RBM26: variants seen among roughly 807,000 people sequenced by gnomAD.
RBM26 encodes the protein RNA-binding protein 26.
RBM26 carries 30 observed loss-of-function variants against 123.6 expected under a neutral mutation model. That is an observed-to-expected ratio of 0.24 (90% CI 0.18 to 0.33). RBM26 has a LOEUF of 0.33. Among genes scored for constraint, RBM26 ranks in the 10% least tolerant of loss-of-function variants. The pLI, the probability that RBM26 is intolerant of heterozygous loss-of-function variation, is 1.00. For missense variants in RBM26, 947 were observed against 1,203.6 expected (o/e 0.79, Z 3.15); for synonymous variants, 400 against 404.4 (o/e 0.99, Z 0.13).
chr13:79,393,169 C>T (rs1318057261), intron 1 of RBM26, among the ~76,000 whole-genome samples: 2 of 151,576 alleles, frequency 1.3e-5, no homozygotes, highest in African/African-American at 4.9e-5. Flanking sequence ...TGAGTGAAAC[C>T]CCTCTGAGGC....
Position 79,405,685 on chromosome 13 carries a change from A to C in RBM26, c.71+19T>G. 4 of 1,563,996 alleles carry C rather than the reference A, an allele frequency of 2.6e-6. No individual in the cohort carries two copies. Among genetic ancestry groups the C allele is most frequent in the Non-Finnish European group, 3.5e-6 (4 of 1,145,120 alleles). On this transcript the variant is annotated intron_variant, in intron 1 of 21. Coordinates refer to ENST00000438737, the MANE Select transcript of RBM26 (RefSeq NM_001366735.2). ...CTCCCACTGCCATCCCTGCAAAGAG[A>C]TATCCCCCGGATACTCACATGGGCT...
At chr13:79,323,335 A>T (rs780289595) in intron 20 of RBM26, among the ~76,000 whole-genome samples, 3 of 151,640 alleles carry the variant, frequency 2.0e-5, no homozygotes, top group Non-Finnish European at 4.4e-5. Flanking sequence ...ATGATATTTG[A>T]CATAAGTTGT....
intron 15 of RBM26, 67 bp from the exon 16 acceptor site, chr13:79,344,389 A>C: frequency 8.0e-7 from 1 of 1,255,388 alleles, no homozygotes; most frequent in Admixed American, 1.8e-5. Context: ...TCAAGAGAAG[A>C]GAAATAGTTG....
intron 20 of RBM26, among the ~76,000 whole-genome samples, chr13:79,331,785 A>T (rs770186873): frequency 6.6e-6 from 1 of 152,224 alleles, no homozygotes; most frequent in Non-Finnish European, 1.5e-5. Flanking sequence ...TGCAGAAAAG[A>T]TAATATTCAA....
At position 79,335,632 on chromosome 13, in the gene RBM26, G is replaced by A. The variant is rs78920734; in HGVS notation, c.2734-1202C>T. ...CAACTAAACCTGTGCTCATACTTAA[G>A]ACTAATAATTTAAATGTGAACTTTG... is the stretch of plus-strand genomic sequence containing the variant. On this transcript the variant is annotated intron_variant, in intron 19 of 21. Transcript: ENST00000438737. Among the ~76,000 whole-genome samples, 124 of 152,170 alleles carry A rather than the reference G, an allele frequency of 8.1e-4. 2 individuals are homozygous for A. The East Asian group carries it at 0.016, about 20-fold the overall frequency.
At chr13:79,350,685 C>A (rs1312345321) in intron 14 of RBM26, among the ~76,000 whole-genome samples, 1 of 151,998 alleles carries the variant, frequency 6.6e-6, no homozygotes, top group Non-Finnish European at 1.5e-5. Flanking sequence ...TTAATAATGA[C>A]ATAGGATACT....
At chr13:79,354,381 A>T (rs564178200) in intron 13 of RBM26, 58 bp downstream of exon 13, 2 of 1,341,850 alleles carry the variant, frequency 1.5e-6, no homozygotes, top group East Asian at 5.0e-5. Flanking sequence ...CAAATCACCA[A>T]GGGAAACTAA....
chr13:79,327,577 A>G (rs2068632280), intron 20 of RBM26, among the ~76,000 whole-genome samples: 5 of 152,156 alleles, frequency 3.3e-5, no homozygotes. Flanking sequence ...AACCCAAGAG[A>G]GCAAAATTAA....
chr13:79,332,822 G>A (rs893917121), intron 20 of RBM26, among the ~76,000 whole-genome samples: 1 of 152,098 alleles, frequency 6.6e-6, no homozygotes, highest in Non-Finnish European at 1.5e-5. Context: ...AAGAAGGTAC[G>A]TGTCAAAAGT....
chr13:79,356,523 T>C (rs2139589074), intron 11 of RBM26, among the ~76,000 whole-genome samples: 1 of 152,116 alleles, frequency 6.6e-6, no homozygotes, highest in Non-Finnish European at 1.5e-5. Flanking sequence ...AATAACCATA[T>C]CCACTCTTCA....
chr13:79,320,390 A>G lies in RBM26; in HGVS notation c.*231T>C. 8.7e-7 allele frequency: 1 copy of G among 1,147,306 alleles called. No individual in the cohort carries two copies. Among genetic ancestry groups the G allele is most frequent in the South Asian group, 3.8e-5 (1 of 26,052 alleles). 71.1% of individuals were successfully genotyped at this position (1,147,306 alleles called of 1,614,324 possible). ...TAGAAGTATGTAATAAAAACATTGC[A>G]TATGTTTCTAGTGTGATGTCTTTAG... On this transcript the variant is annotated 3_prime_UTR_variant, in exon 22 of 22. Transcript: ENST00000438737.
downstream of RBM26, among the ~76,000 whole-genome samples, chr13:79,317,190 G>A (rs1237031633): frequency 6.6e-6 from 1 of 151,618 alleles, no homozygotes; most frequent in Admixed American, 6.6e-5. Flanking sequence ...AATTTGTACT[G>A]GCAAATGCAA....
chr13:79,354,421 G>C lies in RBM26; in HGVS notation c.1986+18C>G, dbSNP rs777013319. 27 of 1,527,622 alleles carry C rather than the reference G, an allele frequency of 1.8e-5. No homozygotes were observed. Among genetic ancestry groups the C allele is most frequent in the Non-Finnish European group, 2.3e-5 (26 of 1,129,478 alleles). The allele number at this position is 1,527,622 out of a possible 1,614,324, so 94.6% of individuals were successfully genotyped here. On this transcript the variant is annotated intron_variant, in intron 13 of 21. Transcript: ENST00000438737. ...CTGAGAACCTATTACGGGCACAATC[G>C]TAAGACCTTTGCTTTACCTGAGGAA...
Position 79,371,064 on chromosome 13 carries a change from C to T in RBM26, c.515G>A (p.Arg172Lys), listed in dbSNP as rs371336844. The T allele has an allele frequency of 3.0e-5, 48 of 1,613,940 alleles. No homozygotes were observed. The highest frequency in any genetic ancestry group is 3.5e-5 in the Non-Finnish European group (41 of 1,179,954). ...GCTATAACTGCGACTCCGCCCTCGT[C>T]TTCTATTGTACCGGTCTCTGTATGA... ...RDSYRDRYNR[R>K]RGRSRSYSRS... The change falls in exon 5 of 22, where the codon AGA becomes AAA. Residue 172 changes from arginine to lysine, a missense_variant. By Grantham distance (26) the Arg-to-Lys change is conservative. This residue lies in a region of RBM26 where 275 missense variants were observed against 361.0 expected (regional missense o/e 0.76). Transcript: ENST00000438737.
At chr13:79,349,906 C>T (rs367904949) in intron 14 of RBM26, among the ~76,000 whole-genome samples, 4 of 152,218 alleles carry the variant, frequency 2.6e-5, no homozygotes, top group African/African-American at 9.6e-5. Context: ...CTGTATTGGC[C>T]AGGCTGGTCT....
At chr13:79,354,834 A>G (rs1438378863) in intron 12 of RBM26, among the ~76,000 whole-genome samples, 3 of 152,228 alleles carry the variant, frequency 2.0e-5, no homozygotes, top group Admixed American at 1.3e-4. Context: ...ATATACCTCT[A>G]TAAACACTCT....
intron 1 of RBM26, among the ~76,000 whole-genome samples, chr13:79,388,123 C>G (rs1033861371): frequency 1.3e-4 from 20 of 152,178 alleles, no homozygotes; most frequent in Admixed American, 2.6e-4. Context: ...TTTATCTAAT[C>G]AAACCTCTAC....
chr13:79,404,885 TC>T (rs1375851728), intron 1 of RBM26, among the ~76,000 whole-genome samples: 1 of 152,208 alleles, frequency 6.6e-6, no homozygotes, highest in Non-Finnish European at 1.5e-5. Context: ...CCCCAAAGCC[TC>T]CCGTAGTATA....
intron 1 of RBM26, among the ~76,000 whole-genome samples, chr13:79,405,063 G>T (rs2079406917): frequency 1.3e-5 from 2 of 152,074 alleles, no homozygotes. Context: ...CACTCTAACC[G>T]CAGCCCCCAA....
Sources: allele counts gnomAD v4.1 joint callset (sites outside exome capture counted in the v4.1 genomes callset), GRCh38; gene constraint gnomAD v4.1.1; regional missense constraint gnomAD v4.1.1; transcripts MANE v1.5; gene names NCBI Gene and HGNC (gene_info 2026-07-23, HGNC 2026-07-21).